The following SETX variants were observed in gnomAD, a reference collection of about 807,000 sequenced individuals.
The protein encoded by SETX is helicase senataxin.
SETX carries 90 observed loss-of-function variants against 227.2 expected under a neutral mutation model. The ratio of observed to expected loss-of-function variants is 0.40; its 90% CI spans 0.33 to 0.47. The LOEUF is 0.47. Ranked by LOEUF, SETX falls within the 20% of genes least tolerant of loss-of-function variation. SETX has a pLI of 0.91. For missense variants in SETX, 3,052 were observed against 3,181.5 expected, an observed-to-expected ratio of 0.96 and a Z score of 0.98; for synonymous variants, 1,210 against 1,113.2, an observed-to-expected ratio of 1.09 and a Z score of -1.73.
At chr9:132,345,633 T>C (rs1034754727) in intron 4 of SETX, among the ~76,000 whole-genome samples, 7 of 152,200 alleles carry the variant, frequency 4.6e-5, no homozygotes, top group South Asian at 2.1e-4. Context: ...AAAGCAAATA[T>C]AGCAAAATGT....
intron 18 of SETX, among the ~76,000 whole-genome samples, chr9:132,284,226 A>C (rs1843704101): frequency 6.6e-6 from 1 of 152,226 alleles, no homozygotes; most frequent in African/African-American, 2.4e-5. Flanking sequence ...GCATAGTTTC[A>C]TGGCCCACAG....
At chr9:132,285,342 G>GT (rs1843790587) in intron 18 of SETX, among the ~76,000 whole-genome samples, 1 of 152,118 alleles carries the variant, frequency 6.6e-6, no homozygotes, top group African/African-American at 2.4e-5. Context: ...TTAGATGGTG[G>GT]TAAGAATTCA....
chr9:132,334,081 CACCA>C (rs1056732429), intron 7 of SETX, among the ~76,000 whole-genome samples: 9 of 152,066 alleles, frequency 5.9e-5, no homozygotes, highest in Non-Finnish European at 1.3e-4. Context: ...TTCATCCTAC[CACCA>C]ACTTTTTCAT....
intron 19 of SETX, 114 bp from the exon 20 acceptor site, chr9:132,281,688 A>G: frequency 1.3e-6 from 1 of 759,864 alleles, no homozygotes; most frequent in Non-Finnish European, 2.3e-6. Context: ...CTCCTGCACC[A>G]AATATCAAAA....
intron 4 of SETX, among the ~76,000 whole-genome samples, chr9:132,345,569 C>G (rs1007899066): frequency 2.0e-5 from 3 of 151,876 alleles, no homozygotes; most frequent in Non-Finnish European, 4.4e-5. Flanking sequence ...CCACCATGCC[C>G]GGCGAGAATG....
chr9:132,328,917 T>G lies in SETX; in HGVS notation c.2681A>C (p.Lys894Thr). The G allele has an allele frequency of 6.2e-7, 1 of 1,613,582 alleles. No individual in the cohort carries two copies. Among genetic ancestry groups the G allele is most frequent in the Non-Finnish European group, 8.5e-7 (1 of 1,179,894 alleles). ...CATTTCTGTAAAAGGGATCAATTCT[T>G]TACCATCAACATGAAATTCCTGTAT... ...CKIQEFHVDG[K>T]ELIPFTEMTN... is the part of the protein sequence containing the mutation. Residue 894 changes from lysine (K) to threonine (T), a missense_variant, in exon 10 of 26, where the codon AAA becomes ACA. By Grantham distance (78) the Lys-to-Thr change is moderately conservative (BLOSUM62 -1). Around this residue, in one of 10 missense-constraint regions of SETX, gnomAD observed 1,483 missense variants for 1,312.0 expected, o/e 1.13. Coordinates refer to ENST00000224140, the MANE Select transcript of SETX (RefSeq NM_015046.7).
At chr9:132,294,879 C>G (rs1244383521) in intron 15 of SETX, among the ~76,000 whole-genome samples, 2 of 152,200 alleles carry the variant, frequency 1.3e-5, no homozygotes, top group East Asian at 1.9e-4. Flanking sequence ...CAGTTCTGAA[C>G]TGCCCACCTC....
chr9:132,281,142 T>C (rs1256054321), intron 20 of SETX, among the ~76,000 whole-genome samples: 1 of 152,154 alleles, frequency 6.6e-6, no homozygotes, highest in Non-Finnish European at 1.5e-5. Flanking sequence ...TTAAAATAAA[T>C]CAGATTCAGC....
chr9:132,276,658 A>G (rs926044777), intron 22 of SETX, among the ~76,000 whole-genome samples: 1 of 152,104 alleles, frequency 6.6e-6, no homozygotes, highest in African/African-American at 2.4e-5. Flanking sequence ...ACAACCCAAT[A>G]CCATCCAACC....
In SETX at chr9:132,346,293, T is replaced by A; in HGVS notation, c.356A>T (p.Lys119Ile). The A allele has an allele frequency of 6.2e-7, 1 of 1,613,958 alleles. No individual in the cohort carries two copies. The highest frequency in any genetic ancestry group is 2.2e-5 in the East Asian group (1 of 44,852). ...KLRVPLLEILKYPYLLLHERV... is the reference protein window; with the variant it reads ...KLRVPLLEILIYPYLLLHERV... ...TTCATGTAGAAGCAAGTAAGGATAT[T>A]TCAGTATTTCAAGAAGAGGAACTCG... The change falls in exon 4 of 26, where the codon AAA becomes ATA. Residue 119 changes from lysine to isoleucine, a missense_variant. Transcript: ENST00000224140.
chr9:132,327,912 C>A lies in SETX; in HGVS notation c.3686G>T (p.Cys1229Phe). The change falls in exon 10 of 26, where the codon TGT becomes TTT. Residue 1229 changes from cysteine (C) to phenylalanine (F), a missense_variant. Around this residue, in one of 10 missense-constraint regions of SETX, gnomAD observed 1,483 missense variants for 1,312.0 expected, o/e 1.13. Coordinates refer to ENST00000224140, the MANE Select transcript of SETX (RefSeq NM_015046.7). ...TGGAACTTTCCTGATGGGTTCTGTA[C>A]AAGTACAAAGCTTTGAAGACTTCTT... The part of the protein sequence containing the change: ...SQKKSSKLCT[C>F]TEPIRKVPVS... 6.2e-7 allele frequency: 1 copy of A among 1,614,034 alleles called. No individual in the cohort carries two copies. The highest frequency in any genetic ancestry group is 1.3e-5 in the African/African-American group (1 of 74,910).
At chr9:132,277,821 GA>G (rs1843252249) in intron 21 of SETX, among the ~76,000 whole-genome samples, 1 of 137,984 alleles carries the variant, frequency 7.2e-6, no homozygotes, top group Non-Finnish European at 1.5e-5. Flanking sequence ...AAGGACTGCT[GA>G]AAGTGGATAT....
At chr9:132,334,485 T>C in intron 7 of SETX, 123 bp downstream of exon 7, 1 of 1,092,040 alleles carries the variant, frequency 9.2e-7, no homozygotes, top group Non-Finnish European at 1.4e-6. Flanking sequence ...AGTCTGAATC[T>C]ATTACTAAAC....
At chr9:132,346,145 A>T (rs1848272879) in intron 4 of SETX, 116 bp downstream of exon 4, 1 of 829,658 alleles carries the variant, frequency 1.2e-6, no homozygotes, top group African/African-American at 1.7e-5. Flanking sequence ...TGAAGTCCTA[A>T]TTATATATCC....
rs57575985 is a variant in SETX at position 132,303,845 on chromosome 9, G to A, written c.5375-3042C>T. Among the ~76,000 whole-genome samples, 232 of 152,212 alleles carry A rather than the reference G, an allele frequency of 1.5e-3. 1 individual carries two copies. The highest frequency in any genetic ancestry group is 5.3e-3 in the African/African-American group (220 of 41,522). ...TCACCAAAATTAAAAACACCACATG[G>A]GCGCAGTAGCTCACGTCTGTAATCC... On this transcript the variant is annotated intron_variant, in intron 11 of 25. Transcript: ENST00000224140.
chr9:132,295,043 G>A (rs185901054), intron 15 of SETX, among the ~76,000 whole-genome samples: 3 of 152,288 alleles, frequency 2.0e-5, no homozygotes, highest in South Asian at 2.1e-4. Flanking sequence ...ATATGAGCTT[G>A]GAAAGGTCAT....
chr9:132,339,052 C>A (rs1847810182), intron 5 of SETX, among the ~76,000 whole-genome samples: 1 of 152,208 alleles, frequency 6.6e-6, no homozygotes, highest in Non-Finnish European at 1.5e-5. Flanking sequence ...CATGAGCGAC[C>A]ATGCCCAGCC....
chr9:132,331,538 T>C, intron 7 of SETX, 90 bp from the exon 8 acceptor site: 4 of 1,401,690 alleles, frequency 2.9e-6, no homozygotes, highest in Non-Finnish European at 3.9e-6. Context: ...CTTTATCTGG[T>C]GAGTAGCAAC....
In SETX at chr9:132,330,518, T is replaced by C. The variant is rs781354546; in HGVS notation, c.1099-19A>G. The C allele has an allele frequency of 6.2e-7, 1 of 1,604,078 alleles. No homozygotes were observed. The highest frequency in any genetic ancestry group is 1.1e-5 in the South Asian group (1 of 90,778). On this transcript the variant is annotated intron_variant, in intron 9 of 25. Transcript: ENST00000224140. ...CAGAATCCTAAAATGAAAGAAATGC[T>C]GATGTTCAGATAAATAAGCACCACT... is the stretch of plus-strand genomic sequence containing the variant.
Sources: allele counts gnomAD v4.1 joint callset (sites outside exome capture counted in the v4.1 genomes callset), GRCh38; gene constraint gnomAD v4.1.1; regional missense constraint gnomAD v4.1.1; transcripts MANE v1.5; gene names NCBI Gene and HGNC (gene_info 2026-07-23, HGNC 2026-07-21).